Variants in KLHL8 observed in about 807,000 individuals in gnomAD.
KLHL8 encodes kelch like family member 8.
In KLHL8, 38 loss-of-function variants were observed where a neutral mutation model predicts 63.5. The observed-to-expected ratio is 0.60, with a 90% confidence interval of 0.46 to 0.78. The LOEUF is 0.78. KLHL8 is among the 30% of genes least tolerant of loss of function. The probability of loss-of-function intolerance (pLI) is 0.00; values close to 1 mark genes in which losing one functional copy is unlikely to be tolerated. For missense variants in KLHL8, 566 were observed against 752.4 expected (o/e 0.75, Z 2.90); for synonymous variants, 224 against 254.3 (o/e 0.88, Z 1.13).
chr4:87,228,077 G>A (rs1343616049), intron 1 of KLHL8, among the ~76,000 whole-genome samples: 2 of 152,118 alleles, frequency 1.3e-5, no homozygotes, highest in East Asian at 3.9e-4. Context: ...CCTGGTTGGT[G>A]AACACATTGA....
chr4:87,214,033 T>G (rs1265414806), intron 1 of KLHL8, among the ~76,000 whole-genome samples: 9 of 152,172 alleles, frequency 5.9e-5, no homozygotes, highest in Non-Finnish European at 1.0e-4. Context: ...ATAGTAAGAT[T>G]CAATAAACAG....
intron 1 of KLHL8, among the ~76,000 whole-genome samples, chr4:87,214,419 T>TATAG (rs1732515552): frequency 4.4e-5 from 1 of 22,700 alleles, no homozygotes; most frequent in Non-Finnish European, 6.8e-5. Context: ...ATAACAGATA[T>TATAG]ATATATATAT....
At chr4:87,164,878 G>T (rs1052087723) in intron 8 of KLHL8, among the ~76,000 whole-genome samples, 5 of 152,222 alleles carry the variant, frequency 3.3e-5, no homozygotes, top group South Asian at 2.1e-4. Flanking sequence ...GCCGGGCGCG[G>T]TGGCTCACGC....
intron 5 of KLHL8, 143 bp from the exon 6 acceptor site, chr4:87,177,011 T>C (rs1391432524): frequency 4.0e-6 from 2 of 505,704 alleles, no homozygotes; most frequent in Non-Finnish European, 6.8e-6. Context: ...TTATGATCAA[T>C]GTCATTTCAG....
chr4:87,211,685 G>A (rs747332388), intron 1 of KLHL8, among the ~76,000 whole-genome samples: 3 of 152,106 alleles, frequency 2.0e-5, no homozygotes, highest in African/African-American at 7.2e-5. Context: ...CCAGCTACTT[G>A]AGCCTGGGAG....
chr4:87,188,548 A>G (rs1261671360), intron 2 of KLHL8, among the ~76,000 whole-genome samples: 1 of 152,152 alleles, frequency 6.6e-6, no homozygotes, highest in Non-Finnish European at 1.5e-5. Flanking sequence ...ATACACCCCT[A>G]TGTACCCTTT....
chr4:87,239,990 TA>T (rs1397563473), intron 1 of KLHL8, among the ~76,000 whole-genome samples: 1 of 152,160 alleles, frequency 6.6e-6, no homozygotes, highest in Non-Finnish European at 1.5e-5. Context: ...GATGGAATTT[TA>T]AATGTTTGCT....
At chr4:87,231,571 T>C (rs1733138715) in intron 1 of KLHL8, among the ~76,000 whole-genome samples, 1 of 152,128 alleles carries the variant, frequency 6.6e-6, no homozygotes, top group African/African-American at 2.4e-5. Flanking sequence ...CATGCTTTGC[T>C]TGATATAACT....
At chr4:87,219,258 G>T (rs1732723556) in intron 1 of KLHL8, among the ~76,000 whole-genome samples, 1 of 152,208 alleles carries the variant, frequency 6.6e-6, no homozygotes, top group African/African-American at 2.4e-5. Context: ...ACTGTTAGCA[G>T]CAGTCCTCTG....
intron 1 of KLHL8, among the ~76,000 whole-genome samples, chr4:87,225,755 A>T (rs1732961593): frequency 1.3e-5 from 2 of 152,248 alleles, no homozygotes; most frequent in South Asian, 4.1e-4. Flanking sequence ...AGAAAGCATC[A>T]TCCTTGCTAT....
intron 8 of KLHL8, chr4:87,167,579 G>A (rs1730451272): frequency 1.9e-6 from 1 of 520,526 alleles, no homozygotes; most frequent in Non-Finnish European, 3.9e-6. Flanking sequence ...ATGCTAAGAA[G>A]AAGGGCAGTG....
chr4:87,177,919 A>G (rs1730893002), intron 5 of KLHL8, among the ~76,000 whole-genome samples: 1 of 152,188 alleles, frequency 6.6e-6, no homozygotes, highest in Non-Finnish European at 1.5e-5. Context: ...ACAAAAACAC[A>G]CAGAGAAAGA....
At chr4:87,229,273 A>C (rs1321752339) in intron 1 of KLHL8, among the ~76,000 whole-genome samples, 2 of 152,158 alleles carry the variant, frequency 1.3e-5, no homozygotes, top group African/African-American at 4.8e-5. Context: ...GTTGAATAGA[A>C]AACAGATGAG....
At chr4:87,163,674 A>T in intron 9 of KLHL8, 32 bp from the exon 10 acceptor site, 1 of 1,611,136 alleles carries the variant, frequency 6.2e-7, no homozygotes, top group African/African-American at 1.3e-5. Context: ...AATGTTACAA[A>T]GCATAATTTA....
intron 2 of KLHL8, 28 bp downstream of exon 2, chr4:87,195,296 G>A (rs747438442): frequency 1.3e-6 from 2 of 1,589,438 alleles, no homozygotes; most frequent in East Asian, 4.5e-5. Context: ...GAAGAGGCCT[G>A]AGAAAAGTAC....
chr4:87,178,601 A>C lies in KLHL8; in HGVS notation c.972T>G (p.Gly324=). The change falls in exon 5 of 10, where the codon GGT becomes GGG. Residue 324 remains glycine (G), a synonymous_variant. Coordinates refer to ENST00000273963, the MANE Select transcript of KLHL8 (RefSeq NM_020803.5). ...AGGGGTCACCAGATCCACCTCGACC[A>C]CCTACACAAAACAGCACACCTAAAG... The part of the protein sequence containing the change: ...KHTAGVLFCV[G]GRGGSGDPFR... The C allele has an allele frequency of 6.2e-7, 1 of 1,601,976 alleles. No individual in the cohort carries two copies. Among genetic ancestry groups the C allele is most frequent in the Non-Finnish European group, 8.5e-7 (1 of 1,176,914 alleles).
At chr4:87,172,703 C>T (rs1730681202) in intron 6 of KLHL8, among the ~76,000 whole-genome samples, 1 of 152,066 alleles carries the variant, frequency 6.6e-6, no homozygotes, top group African/African-American at 2.4e-5. Flanking sequence ...TCAAATATGT[C>T]CTCTTTTCTC....
intron 1 of KLHL8, among the ~76,000 whole-genome samples, chr4:87,210,106 C>T (rs1008901218): frequency 1.3e-5 from 2 of 152,230 alleles, no homozygotes; most frequent in South Asian, 2.1e-4. Context: ...AATCTGCCGG[C>T]TTCGGACTAC....
intron 1 of KLHL8, among the ~76,000 whole-genome samples, chr4:87,208,734 G>C (rs1236918128): frequency 6.6e-6 from 1 of 152,052 alleles, no homozygotes; most frequent in East Asian, 1.9e-4. Flanking sequence ...ACTTTACTAA[G>C]TTAAAATGCA....
Sources: allele counts gnomAD v4.1 joint callset (sites outside exome capture counted in the v4.1 genomes callset), GRCh38; gene constraint gnomAD v4.1.1; transcripts MANE v1.5; gene names NCBI Gene and HGNC (gene_info 2026-07-23, HGNC 2026-07-21).